Variants in KCNIP4 observed in about 807,000 individuals in gnomAD.
The protein encoded by KCNIP4 is potassium voltage-gated channel interacting protein 4, also known as Kv channel-interacting protein 4.
In KCNIP4, 12 loss-of-function variants were observed where a neutral mutation model predicts 34.0. That is an observed-to-expected ratio of 0.35 (90% CI 0.23 to 0.57). The LOEUF (loss-of-function observed/expected upper bound fraction) is 0.57, where lower values mean the gene tolerates loss of function less well. Ranked by LOEUF, KCNIP4 falls within the 20% of genes least tolerant of loss-of-function variation. KCNIP4 has a pLI of 0.83. For missense variants in KCNIP4, 238 were observed against 311.7 expected (o/e 0.76, Z 1.78); for synonymous variants, 124 against 102.2 (o/e 1.21, Z -1.29).
At chr4:20,730,188 A>ATTTTGCCCC in intron 8 of KCNIP4, 59 bp from the exon 9 acceptor site, 1 of 1,539,246 alleles carries the variant, frequency 6.5e-7, no homozygotes, top group East Asian at 2.4e-5. Flanking sequence ...AAAGTACACT[A>ATTTTGCCCC]TTTTGCCCCT....
Position 21,287,051 on chromosome 4 carries a change from C to A in KCNIP4, c.62-404342G>T, listed in dbSNP as rs112024528. On this transcript the variant is annotated intron_variant, in intron 1 of 8. Coordinates refer to ENST00000382152, the MANE Select transcript of KCNIP4 (RefSeq NM_025221.6). ...GAGCTTCTGGGAAGGGCCTACAGGA[C>A]AATGTGTCCAAAATTTTATGACCAT... Among the ~76,000 whole-genome samples the A allele has an allele frequency of 1.3e-5, 2 of 152,232 alleles. 1 individual carries two copies. Among genetic ancestry groups the A allele is most frequent in the African/African-American group, 4.8e-5 (2 of 41,554 alleles).
At chr4:21,671,299 TA>T (rs1358512536) in intron 1 of KCNIP4, among the ~76,000 whole-genome samples, 1 of 152,214 alleles carries the variant, frequency 6.6e-6, no homozygotes, top group Non-Finnish European at 1.5e-5. Flanking sequence ...AGCCACATTT[TA>T]AAAACTATTG....
At chr4:20,738,999 A>G (rs1750387174) in intron 5 of KCNIP4, among the ~76,000 whole-genome samples, 1 of 152,162 alleles carries the variant, frequency 6.6e-6, no homozygotes, top group South Asian at 2.1e-4. Flanking sequence ...GCTATCACAG[A>G]AGTCCGAGAT....
intron 3 of KCNIP4, among the ~76,000 whole-genome samples, chr4:20,765,319 G>A (rs1345130201): frequency 6.6e-6 from 1 of 152,104 alleles, no homozygotes; most frequent in East Asian, 1.9e-4. Context: ...AGAGTCATCT[G>A]TGGAAATCCT....
At chr4:20,730,841 G>A (rs1356612839) in intron 8 of KCNIP4, among the ~76,000 whole-genome samples, 1 of 152,172 alleles carries the variant, frequency 6.6e-6, no homozygotes, top group Non-Finnish European at 1.5e-5. Flanking sequence ...TTACTGAGCT[G>A]TTTATGGTAG....
chr4:21,102,166 T>C (rs868652391), intron 1 of KCNIP4, among the ~76,000 whole-genome samples: 1 of 152,226 alleles, frequency 6.6e-6, no homozygotes, highest in Non-Finnish European at 1.5e-5. Context: ...TCAACTATTG[T>C]GTCTAGTATT....
chr4:20,960,388 C>T (rs1424494879), intron 1 of KCNIP4, among the ~76,000 whole-genome samples: 1 of 152,180 alleles, frequency 6.6e-6, no homozygotes, highest in Non-Finnish European at 1.5e-5. Flanking sequence ...AAATTAGGCA[C>T]AGCCAGGAAA....
intron 1 of KCNIP4, among the ~76,000 whole-genome samples, chr4:21,039,029 A>G (rs774525757): frequency 4.0e-4 from 61 of 152,290 alleles, no homozygotes; most frequent in South Asian, 8.3e-4. Context: ...GAGTGAAGCT[A>G]GAAGAGGCAG....
intron 1 of KCNIP4, among the ~76,000 whole-genome samples, chr4:21,526,153 A>G (rs1463114246): frequency 6.6e-6 from 1 of 152,168 alleles, no homozygotes; most frequent in Non-Finnish European, 1.5e-5. Context: ...CACCCAAATC[A>G]CAGCTTGAAT....
At chr4:21,686,688 C>G (rs1254660920) in intron 1 of KCNIP4, among the ~76,000 whole-genome samples, 2 of 152,072 alleles carry the variant, frequency 1.3e-5, no homozygotes, top group Non-Finnish European at 2.9e-5. Flanking sequence ...CATCTATAAC[C>G]ATTTTTTATG....
At chr4:20,758,967 A>G in intron 3 of KCNIP4, 77 bp from the exon 4 acceptor site, 1 of 1,103,078 alleles carries the variant, frequency 9.1e-7, no homozygotes, top group Non-Finnish European at 1.4e-6. Context: ...TTGAAACAGA[A>G]CTGTCTACCA....
intron 1 of KCNIP4, among the ~76,000 whole-genome samples, chr4:21,179,023 C>A (rs1169121769): frequency 6.6e-6 from 1 of 151,904 alleles, no homozygotes; most frequent in Non-Finnish European, 1.5e-5. Context: ...TGCCATGTTG[C>A]CCAGGCTGGT....
chr4:21,702,380 C>G (rs112272135), intron 1 of KCNIP4, among the ~76,000 whole-genome samples: 2,311 of 152,220 alleles, frequency 0.015, 66 homozygotes, highest in African/African-American at 0.052. Context: ...GCTCCAAATA[C>G]AATCACATTG....
chr4:21,582,006 A>AAGAATAGAATAGAAT (rs1170134097), intron 1 of KCNIP4: 56 of 96,570 alleles, frequency 5.8e-4, no homozygotes, highest in South Asian at 3.6e-3. Flanking sequence ...TAGGGCATAG[A>AAGAATAGAATAGAAT]AGAATAGAAT....
At chr4:20,969,784 T>C (rs1338295686) in intron 1 of KCNIP4, among the ~76,000 whole-genome samples, 1 of 112,802 alleles carries the variant, frequency 8.9e-6, no homozygotes. Context: ...ATATAGGTAT[T>C]AATTTATGAA....
rs146730556 is a variant in KCNIP4 at position 20,858,882 on chromosome 4, T to C, written c.164-8215A>G. 2.7e-3 allele frequency among the ~76,000 whole-genome samples: 418 copies of C among 152,310 alleles called. 4 individuals are homozygous for C. Among genetic ancestry groups the C allele is most frequent in the African/African-American group, 9.7e-3 (402 of 41,574 alleles). On this transcript the variant is annotated intron_variant, in intron 2 of 8. Transcript: ENST00000382152. ...AGGAGTAAATTGGGACTCACATTTC[T>C]TAAATAACTTACTCAAGGTCATACA...
intron 1 of KCNIP4, among the ~76,000 whole-genome samples, chr4:21,500,629 A>C: frequency 6.6e-6 from 1 of 152,158 alleles, no homozygotes; most frequent in East Asian, 1.9e-4. Flanking sequence ...TATGCAAAAT[A>C]AACCTAGGAA....
intron 1 of KCNIP4, among the ~76,000 whole-genome samples, chr4:21,666,625 T>A (rs957091482): frequency 3.9e-5 from 6 of 152,232 alleles, no homozygotes; most frequent in African/African-American, 1.4e-4. Flanking sequence ...AGATGATATC[T>A]TATAAAGACT....
intron 1 of KCNIP4, among the ~76,000 whole-genome samples, chr4:21,704,938 G>T (rs1167289927): frequency 1.3e-5 from 2 of 152,094 alleles, no homozygotes; most frequent in African/African-American, 2.4e-5. Context: ...ATTTTGACTT[G>T]TCATAGTCTT....
Sources: allele counts gnomAD v4.1 joint callset (sites outside exome capture counted in the v4.1 genomes callset), GRCh38; gene constraint gnomAD v4.1.1; transcripts MANE v1.5; gene names NCBI Gene and HGNC (gene_info 2026-07-23, HGNC 2026-07-21).